The following NOD2 variants were observed in gnomAD, a reference collection of about 807,000 sequenced individuals.
The protein encoded by NOD2 is nucleotide-binding oligomerization domain-containing protein 2.
NOD2 carries 86 observed loss-of-function variants against 90.9 expected under a neutral mutation model. The observed-to-expected ratio is 0.95, with a 90% CI of 0.79 to 1.13. NOD2 has a LOEUF of 1.13. NOD2 is among the 50% of genes most tolerant of loss of function. The pLI, the probability that NOD2 is intolerant of heterozygous loss-of-function variation, is 0.00. For synonymous variants in NOD2, 581 were observed against 554.6 expected, an observed-to-expected ratio of 1.05 and a Z score of -0.67; for missense variants, 1,238 against 1,283.8, an observed-to-expected ratio of 0.96 and a Z score of 0.55.
At chr16:50,715,574 C>T (rs917177864) in intron 4 of NOD2, 2 of 152,194 alleles carry the variant, frequency 1.3e-5, no homozygotes, top group African/African-American at 2.4e-5. Flanking sequence ...TGCCACCACG[C>T]CCGGCTAATT....
At chr16:50,717,008 A>T (rs1251316197) in intron 6 of NOD2, 34 bp downstream of exon 6, 2 of 1,601,664 alleles carry the variant, frequency 1.2e-6, no homozygotes. Context: ...CCTGGAAACT[A>T]TTTTTTGCCC....
chr16:50,724,914 C>T (rs1182820836), intron 9 of NOD2, among the ~76,000 whole-genome samples: 2 of 152,198 alleles, frequency 1.3e-5, no homozygotes, highest in Admixed American at 6.5e-5. Flanking sequence ...TCATTCTCTT[C>T]CTGTTCCATC....
chr16:50,694,450 G>T (rs1963548978), intron 1 of NOD2, among the ~76,000 whole-genome samples: 1 of 152,188 alleles, frequency 6.6e-6, no homozygotes, highest in African/African-American at 2.4e-5. Flanking sequence ...CCATGGGGCT[G>T]CTGGGGCCCC....
chr16:50,695,445 T>C (rs1182810995), intron 1 of NOD2, among the ~76,000 whole-genome samples: 1 of 152,138 alleles, frequency 6.6e-6, no homozygotes, highest in African/African-American at 2.4e-5. Flanking sequence ...AGTTTGGTTT[T>C]GTGCTTGTGG....
rs1964265077 is a variant in NOD2 at position 50,707,781 on chromosome 16, C to G, written c.460-74C>G. ...TGGAAGAGAGATGCTTATGAAGTTG[C>G]AGTAATCAGTAAGCCTTCCCACATT... On this transcript the variant is annotated intron_variant, in intron 2 of 11. Coordinates refer to ENST00000647318, the MANE Select transcript of NOD2 (RefSeq NM_001370466.1). The G allele has an allele frequency of 3.1e-6, 3 of 981,322 alleles. No individual in the cohort carries two copies. The South Asian group carries it at 3.8e-5, about 13-fold the overall frequency. The allele number at this position is 981,322 out of a possible 1,614,324, so 60.8% of individuals were successfully genotyped here.
chr16:50,723,576 A>AT (rs1221500511), intron 9 of NOD2, among the ~76,000 whole-genome samples, 192 bp downstream of exon 9: 8 of 152,136 alleles, frequency 5.3e-5, no homozygotes, highest in African/African-American at 9.7e-5. Flanking sequence ...GTACATGCTA[A>AT]TTTTTTTATT....
At chr16:50,698,615 G>A (rs111816216) in intron 1 of NOD2, among the ~76,000 whole-genome samples, 1,923 of 152,286 alleles carry the variant, frequency 0.013, 51 homozygotes, top group African/African-American at 0.044. Flanking sequence ...TACATGGCTC[G>A]TGTTGAAATC....
Position 50,716,639 on chromosome 16 carries a change from G to C in NOD2, c.2434G>C (p.Ala812Pro), listed in dbSNP as rs757680896. The change falls in exon 5 of 12, where the codon GCT becomes CCT. Residue 812 changes from alanine to proline, a missense_variant. By Grantham distance (27) the Ala-to-Pro change is conservative. This residue lies in a region of NOD2 where 667 missense variants were observed against 688.7 expected (regional missense o/e 0.97). Transcript: ENST00000647318. Reference protein sequence around the residue: ...DRGICKLIECALHCEQLQKLA... With the variant: ...DRGICKLIECPLHCEQLQKLA... ...AGGCATCTGCAAGCTCATTGAATGT[G>C]CTCTTCACTGCGAGCAATTGCAGAA... is the stretch of plus-strand genomic sequence containing the variant. The C allele has an allele frequency of 1.2e-6, 2 of 1,614,190 alleles. No homozygotes were observed. Among genetic ancestry groups the C allele is most frequent in the East Asian group, 2.2e-5 (1 of 44,888 alleles).
At chr16:50,708,283 C>T in intron 3 of NOD2, among the ~76,000 whole-genome samples, 1 of 152,188 alleles carries the variant, frequency 6.6e-6, no homozygotes, top group African/African-American at 2.4e-5. Context: ...AAGATATGGA[C>T]ACATGTTTTG....
In NOD2 at chr16:50,712,291, G is replaced by A. The variant is rs1053910388; in HGVS notation, c.2299G>A (p.Ala767Thr). ...GCTGCAGCACCTCCGGCGGCCCGTG[G>A]CCCTGCAGCTGGACTACAACTCTGT... is the stretch of plus-strand genomic sequence containing the variant. ...FVLQHLRRPV[A>T]LQLDYNSVGD... Residue 767 changes from alanine (A) to threonine (T), a missense_variant, in exon 4 of 12, where the codon GCC becomes ACC. Ala to Thr is a moderately conservative substitution (Grantham distance 58). Around this residue, in one of 3 missense-constraint regions of NOD2, gnomAD observed 667 missense variants for 688.7 expected, o/e 0.97. Coordinates refer to ENST00000647318, the MANE Select transcript of NOD2 (RefSeq NM_001370466.1). 1.2e-6 allele frequency: 2 copies of A among 1,613,922 alleles called. No homozygotes were observed. Among genetic ancestry groups the A allele is most frequent in the Non-Finnish European group, 1.7e-6 (2 of 1,180,060 alleles).
chr16:50,704,521 A>G (rs892235661), intron 2 of NOD2, among the ~76,000 whole-genome samples: 4 of 147,840 alleles, frequency 2.7e-5, no homozygotes, highest in Non-Finnish European at 4.4e-5. Context: ...TGCTTCTAAG[A>G]ATTCCAAAAC....
intron 1 of NOD2, among the ~76,000 whole-genome samples, chr16:50,696,040 C>G (rs1963631211): frequency 7.4e-6 from 1 of 134,232 alleles, no homozygotes; most frequent in South Asian, 2.2e-4. Flanking sequence ...GATTTGATCT[C>G]TTAGGGAGAG....
In NOD2 at chr16:50,731,901, G is replaced by A. The variant is rs1242157425; in HGVS notation, c.*82G>A. 4.8e-6 allele frequency: 5 copies of A among 1,033,950 alleles called. No individual in the cohort carries two copies. Among genetic ancestry groups the A allele is most frequent in the Admixed American group, 1.7e-5 (1 of 58,674 alleles). The allele number at this position is 1,033,950 out of a possible 1,614,324, so 64.0% of individuals were successfully genotyped here. ...CCCAGAGGCTGGGTGACATGTGTTG[G>A]CAGCCTCTTCAAAATGAGCCCTGTC... is the stretch of plus-strand genomic sequence containing the variant. On this transcript the variant is annotated 3_prime_UTR_variant, in exon 12 of 12. Transcript: ENST00000647318.
Position 50,731,919 on chromosome 16 carries a change from G to A in NOD2, c.*100G>A. 1.2e-6 allele frequency: 1 copy of A among 840,162 alleles called. No individual in the cohort carries two copies. Among genetic ancestry groups the A allele is most frequent in the Non-Finnish European group, 2.1e-6 (1 of 487,752 alleles). 52.0% of individuals were successfully genotyped at this position (840,162 alleles called of 1,614,324 possible). ...TGTGTTGGCAGCCTCTTCAAAATGA[G>A]CCCTGTCCTGCCTAAGGCTGAACTT... On this transcript the variant is annotated 3_prime_UTR_variant, in exon 12 of 12. Coordinates refer to ENST00000647318, the MANE Select transcript of NOD2 (RefSeq NM_001370466.1).
intron 10 of NOD2, chr16:50,728,050 G>C (rs895477233): frequency 4.2e-6 from 1 of 236,332 alleles, no homozygotes; most frequent in African/African-American, 2.3e-5. Flanking sequence ...TAGAATAAGA[G>C]AAGATGACAC....
intron 2 of NOD2, among the ~76,000 whole-genome samples, chr16:50,704,512 G>T (rs1370811659): frequency 6.7e-6 from 1 of 150,348 alleles, no homozygotes; most frequent in Non-Finnish European, 1.5e-5. Context: ...TTTCAATATT[G>T]CTTCTAAGAA....
At chr16:50,707,500 A>G (rs889034159) in intron 2 of NOD2, among the ~76,000 whole-genome samples, 2 of 152,248 alleles carry the variant, frequency 1.3e-5, no homozygotes, top group African/African-American at 4.8e-5. Flanking sequence ...GAGAGATTGT[A>G]TTCAAATATT....
chr16:50,693,906 T>C (rs1963526679), intron 1 of NOD2, among the ~76,000 whole-genome samples: 2 of 152,108 alleles, frequency 1.3e-5, no homozygotes, highest in South Asian at 4.1e-4. Context: ...TCTGTGGGAC[T>C]CAGTTTCCCC....
chr16:50,696,826 C>T (rs1453377911), intron 1 of NOD2, among the ~76,000 whole-genome samples: 3 of 152,244 alleles, frequency 2.0e-5, no homozygotes, highest in South Asian at 4.1e-4. Context: ...CTCCGAGTCA[C>T]GTGGCTTGGG....
Sources: gnomAD v4.1 joint callset for allele counts (sites outside exome capture counted in the v4.1 genomes callset) on GRCh38, gnomAD v4.1.1 for gene constraint, gnomAD v4.1.1 regional missense constraint, MANE v1.5 for transcripts, NCBI Gene and HGNC (gene_info 2026-07-23, HGNC 2026-07-21) for gene names.